The following PATJ variants were observed in gnomAD, a reference collection of about 807,000 sequenced individuals.
PATJ encodes the protein PATJ crumbs cell polarity complex component, also known as inaD-like protein.
A neutral mutation model predicts 224.9 loss-of-function variants in PATJ; 190 were observed. The observed-to-expected ratio is 0.84, with a 90% CI of 0.75 to 0.95. The LOEUF is 0.95. Ranked by LOEUF, PATJ falls within the 40% of genes least tolerant of loss-of-function variation. The pLI is 0.00. For missense variants in PATJ, 2,121 were observed against 2,270.3 expected, an observed-to-expected ratio of 0.93 and a Z score of 1.34; for synonymous variants, 769 against 820.3, an observed-to-expected ratio of 0.94 and a Z score of 1.07.
intron 14 of PATJ, among the ~76,000 whole-genome samples, chr1:61,814,136 T>C (rs1176298005): frequency 1.4e-5 from 2 of 142,074 alleles, no homozygotes; most frequent in African/African-American, 2.6e-5. Context: ...TCTTCTTTTT[T>C]TTTTTTTTTT....
rs780141226 is a variant in PATJ, at chr1:61,766,266, T to G, written c.190-13T>G. The G allele has an allele frequency of 2.6e-6, 4 of 1,550,368 alleles. No homozygotes were observed. In the South Asian group the frequency reaches 3.7e-5, roughly 14 times the overall value. Reference sequence around the variant, plus strand: ...ATAGATTTCTGTTGATTCTTTTTTTTTCTCTCCAACAGCTCAACCATATAC... The same window carrying G: ...ATAGATTTCTGTTGATTCTTTTTTTGTCTCTCCAACAGCTCAACCATATAC... On this transcript the variant is annotated splice_polypyrimidine_tract_variant and intron_variant, in intron 3 of 43. Transcript: ENST00000642238.
At chr1:62,155,455 T>G (rs1294556116) in intron 43 of PATJ, among the ~76,000 whole-genome samples, 1 of 152,058 alleles carries the variant, frequency 6.6e-6, no homozygotes, top group African/African-American at 2.4e-5. Flanking sequence ...AAAATGGCTG[T>G]GCATTGCTGG....
intron 27 of PATJ, among the ~76,000 whole-genome samples, chr1:61,984,036 G>A (rs1644597049): frequency 1.3e-5 from 2 of 151,866 alleles, no homozygotes; most frequent in African/African-American, 2.4e-5. Flanking sequence ...TATTGCCCAG[G>A]CTAGTCTTGA....
chr1:61,876,727 A>C (rs1667380928), intron 21 of PATJ, among the ~76,000 whole-genome samples: 1 of 152,170 alleles, frequency 6.6e-6, no homozygotes, highest in Admixed American at 6.5e-5. Context: ...TAGACTAGCT[A>C]TATGGGCTGG....
At chr1:61,836,160 A>G (rs892569786) in intron 17 of PATJ, among the ~76,000 whole-genome samples, 2 of 152,204 alleles carry the variant, frequency 1.3e-5, no homozygotes, top group African/African-American at 4.8e-5. Context: ...TTTACGCTTA[A>G]AAACATCTAT....
At chr1:62,128,736 C>T (rs1235810605) in intron 40 of PATJ, 105 bp from the exon 41 acceptor site, 20 of 836,166 alleles carry the variant, frequency 2.4e-5, no homozygotes, top group Non-Finnish European at 2.0e-6. Context: ...AGAATCCTCA[C>T]AATAGCCACA....
intron 1 of PATJ, among the ~76,000 whole-genome samples, chr1:61,745,247 G>C (rs2148128294): frequency 6.6e-6 from 1 of 152,158 alleles, no homozygotes; most frequent in Middle Eastern, 3.4e-3. Flanking sequence ...AATCAGACAA[G>C]GGAGATCAGA....
chr1:62,094,175 A>C (rs1661105841), intron 33 of PATJ, among the ~76,000 whole-genome samples: 1 of 152,118 alleles, frequency 6.6e-6, no homozygotes, highest in African/African-American at 2.4e-5. Context: ...CAGGATGATC[A>C]GTTGAGGCCC....
chr1:61,763,279 G>A (rs1365312516), intron 3 of PATJ, 100 bp downstream of exon 3: 5 of 655,166 alleles, frequency 7.6e-6, no homozygotes, highest in Non-Finnish European at 1.2e-5. Context: ...TTATCTTTAA[G>A]GACTCAGTTC....
intron 20 of PATJ, among the ~76,000 whole-genome samples, chr1:61,871,070 G>GTTTTTTTTTTTT (rs1247341544): frequency 1.7e-4 from 13 of 78,062 alleles, no homozygotes; most frequent in Non-Finnish European, 2.7e-4. Context: ...TTTGGTTTTT[G>GTTTTTTTTTTTT]TTTTTTTTGT....
chr1:61,748,891 A>G (rs190683982), intron 1 of PATJ, among the ~76,000 whole-genome samples: 2 of 152,268 alleles, frequency 1.3e-5, no homozygotes, highest in East Asian at 1.9e-4. Flanking sequence ...AGATGCTAAT[A>G]GTAGTTATCA....
Position 62,128,038 on chromosome 1 carries a change from G to T in PATJ, c.5110G>T (p.Val1704Leu). The T allele has an allele frequency of 1.2e-6, 2 of 1,614,070 alleles. No individual in the cohort carries two copies. Among genetic ancestry groups the T allele is most frequent in the Non-Finnish European group, 1.7e-6 (2 of 1,179,946 alleles). ...AGGAAGTCCCTTAGGAGATATCCCC[G>T]TATTTATTGCCATGATTCAGGCTAG... is the stretch of plus-strand genomic sequence containing the variant. ...GRGSPLGDIP[V>L]FIAMIQASGV... Residue 1704 changes from valine (V) to leucine (L), a missense_variant, in exon 40 of 44, where the codon GTA becomes TTA. Transcript: ENST00000642238.
chr1:62,075,626 A>G (rs186551405), intron 31 of PATJ, among the ~76,000 whole-genome samples: 1 of 152,232 alleles, frequency 6.6e-6, no homozygotes, highest in Admixed American at 6.5e-5. Context: ...CTCTAGAAAA[A>G]CACTGACAAG....
intron 29 of PATJ, among the ~76,000 whole-genome samples, chr1:62,026,766 A>T (rs74079632): frequency 1.3e-5 from 2 of 152,150 alleles, no homozygotes; most frequent in African/African-American, 4.8e-5. Flanking sequence ...TATTTTCATC[A>T]CACTTTCACT....
At chr1:62,064,653 A>G (rs570131641) in intron 31 of PATJ, among the ~76,000 whole-genome samples, 2 of 152,282 alleles carry the variant, frequency 1.3e-5, no homozygotes, top group Non-Finnish European at 2.9e-5. Flanking sequence ...AAGTGCTGGT[A>G]TCCAAGTATG....
At position 62,128,089 on chromosome 1, in the gene PATJ, C is replaced by T; in HGVS notation, c.5161C>T (p.Leu1721Phe). The change falls in exon 40 of 44, where the codon CTT (leucine) becomes TTT (phenylalanine). Residue 1721 changes from leucine to phenylalanine, a missense_variant. Coordinates refer to ENST00000642238, the MANE Select transcript of PATJ (RefSeq NM_001350145.3). ...ASGVAARTQK[L>F]KVGDRIVSIN... ...CGGAGTGGCCGCACGGACACAGAAG[C>T]TTAAAGTAAACGAGAGAACTGGTTG... 6.2e-7 allele frequency: 1 copy of T among 1,614,084 alleles called. No homozygotes were observed.
intron 39 of PATJ, among the ~76,000 whole-genome samples, chr1:62,125,254 CAAAAAA>C (rs779305398): frequency 4.2e-5 from 3 of 71,422 alleles, no homozygotes; most frequent in African/African-American, 6.0e-5. Flanking sequence ...AAAAAAAAAA[CAAAAAA>C]AAACAAAAAA....
At chr1:61,905,905 G>A (rs560854695) in intron 24 of PATJ, among the ~76,000 whole-genome samples, 6 of 152,020 alleles carry the variant, frequency 3.9e-5, no homozygotes, top group Admixed American at 1.3e-4. Context: ...GATCCCCAGC[G>A]GACACCAACT....
intron 27 of PATJ, among the ~76,000 whole-genome samples, chr1:61,982,721 A>G (rs1644517493): frequency 1.3e-5 from 2 of 152,026 alleles, no homozygotes; most frequent in Non-Finnish European, 2.9e-5. Context: ...AGACTTTTTA[A>G]CACTTTTCAT....
Sources: allele counts gnomAD v4.1 joint callset (sites outside exome capture counted in the v4.1 genomes callset), GRCh38; gene constraint gnomAD v4.1.1; transcripts MANE v1.5; gene names NCBI Gene and HGNC (gene_info 2026-07-23, HGNC 2026-07-21).